The following PCDHGB7 variants were observed in gnomAD, a reference collection of about 807,000 sequenced individuals.
The protein encoded by PCDHGB7 is protocadherin gamma-B7.
A neutral mutation model predicts 61.4 loss-of-function variants in PCDHGB7; 37 were observed. The ratio of observed to expected loss-of-function variants is 0.60; its 90% confidence interval spans 0.46 to 0.79. The LOEUF is 0.79. Ranked by LOEUF, PCDHGB7 falls within the 30% of genes least tolerant of loss-of-function variation. The pLI is 0.00. For missense variants in PCDHGB7, 1,166 were observed against 1,202.5 expected, an observed-to-expected ratio of 0.97 and a Z score of 0.45; for synonymous variants, 464 against 503.5, an observed-to-expected ratio of 0.92 and a Z score of 1.05.
At chr5:141,495,149 G>A (rs1448841303) in intron 2 of PCDHGB7, among the ~76,000 whole-genome samples, 1 of 152,170 alleles carries the variant, frequency 6.6e-6, no homozygotes, top group Non-Finnish European at 1.5e-5. Context: ...CCAAAGGATG[G>A]TCTTAAGCTG....
intron 1 of PCDHGB7, among the ~76,000 whole-genome samples, chr5:141,425,485 A>G (rs2096878362): frequency 6.6e-6 from 1 of 152,274 alleles, no homozygotes; most frequent in Non-Finnish European, 1.5e-5. Context: ...ATGGCAACCT[A>G]CTAGGCTATA....
intron 1 of PCDHGB7, among the ~76,000 whole-genome samples, chr5:141,475,442 T>A (rs1007534176): frequency 1.3e-5 from 2 of 152,238 alleles, no homozygotes; most frequent in African/African-American, 4.8e-5. Context: ...TAGCTCCAGA[T>A]AATGAGGAAG....
At chr5:141,437,668 G>A (rs72790049) in intron 1 of PCDHGB7, among the ~76,000 whole-genome samples, 16,651 of 151,822 alleles carry the variant, frequency 0.11, 1,007 homozygotes, top group African/African-American at 0.17. Context: ...TCGAAGAGAT[G>A]TTGATCAAAC....
At chr5:141,500,446 T>C (rs2099800320) in intron 2 of PCDHGB7, among the ~76,000 whole-genome samples, 1 of 152,002 alleles carries the variant, frequency 6.6e-6, no homozygotes, top group South Asian at 2.1e-4. Context: ...CCTGACCTCG[T>C]GATCCGCCCG....
rs769461165 is a variant in PCDHGB7, at chr5:141,491,293, C to G, written c.2416-3514C>G. 2 of 1,614,048 alleles carry G rather than the reference C, an allele frequency of 1.2e-6. No individual in the cohort carries two copies. Among genetic ancestry groups the G allele is most frequent in the Admixed American group, 3.3e-5 (2 of 60,008 alleles). ...ATCCAGTGACTTCCTCATACACCCT[C>G]CTGAGCGTTCAGACCTTACCCTTTA... On this transcript the variant is annotated intron_variant, in intron 1 of 3. Coordinates refer to ENST00000398594, the MANE Select transcript of PCDHGB7 (RefSeq NM_018927.4). This position sits in a 1 kb window ranked among gnomAD's most constrained non-coding sequence, Gnocchi z 6.9.
chr5:141,427,628 G>A (rs1308356581), intron 1 of PCDHGB7: 2 of 700,966 alleles, frequency 2.9e-6, no homozygotes, highest in Admixed American at 2.0e-5. Flanking sequence ...ACAATGCTCC[G>A]GTTTTCCACC....
chr5:141,448,705 C>T (rs2098601893), intron 1 of PCDHGB7, among the ~76,000 whole-genome samples: 1 of 152,100 alleles, frequency 6.6e-6, no homozygotes, highest in Non-Finnish European at 1.5e-5. Context: ...CTTTGGGAGG[C>T]CGAGGCGGGA....
At chr5:141,434,497 G>A (rs986672351) in intron 1 of PCDHGB7, among the ~76,000 whole-genome samples, 2 of 152,214 alleles carry the variant, frequency 1.3e-5, no homozygotes, top group African/African-American at 4.8e-5. Context: ...CCCGCCCAGG[G>A]CAGAAAACTG....
intron 1 of PCDHGB7, among the ~76,000 whole-genome samples, chr5:141,482,884 C>A (rs2099574053): frequency 6.6e-6 from 1 of 152,116 alleles, no homozygotes; most frequent in Non-Finnish European, 1.5e-5. Flanking sequence ...CCAGCCTGGC[C>A]AACATGGTGA....
chr5:141,438,392 ATTAAC>A (rs1296512476), intron 1 of PCDHGB7, among the ~76,000 whole-genome samples: 3 of 151,714 alleles, frequency 2.0e-5, no homozygotes, highest in African/African-American at 7.3e-5. Context: ...TTAGTTCATC[ATTAAC>A]TCTCTGAAGT....
Position 141,489,161 on chromosome 5 carries a change from A to T in PCDHGB7, c.2416-5646A>T. ...GCTGGAAGGAGACATAAGAGACTTC[A>T]GCTGCTGCATTCCAAGCCCTGGGTC... On this transcript the variant is annotated intron_variant, in intron 1 of 3. Coordinates refer to ENST00000398594, the MANE Select transcript of PCDHGB7 (RefSeq NM_018927.4). The surrounding 1 kb of genome is among the most constrained non-coding windows in gnomAD (Gnocchi z 4.5). 1.9e-6 allele frequency: 2 copies of T among 1,040,278 alleles called. No individual in the cohort carries two copies. The highest frequency in any genetic ancestry group is 2.8e-6 in the Non-Finnish European group (2 of 709,676). 64.4% of individuals were successfully genotyped at this position (1,040,278 alleles called of 1,614,324 possible).
chr5:141,446,275 A>G (rs1229842331), intron 1 of PCDHGB7, among the ~76,000 whole-genome samples: 1 of 152,156 alleles, frequency 6.6e-6, no homozygotes, highest in African/African-American at 2.4e-5. Flanking sequence ...GAATAAATAC[A>G]ATGGATAAAT....
chr5:141,428,293 C>T, intron 1 of PCDHGB7: 1 of 716,436 alleles, frequency 1.4e-6, no homozygotes, highest in South Asian at 1.6e-5. Context: ...AGCAAAGCTG[C>T]AGATTTACCT....
rs754547223 is a variant in PCDHGB7 at position 141,511,148 on chromosome 5, AGTC to A, written c.2767_2769del (p.Ser923del). The A allele has an allele frequency of 7.4e-6, 12 of 1,614,202 alleles. No individual in the cohort carries two copies. The highest frequency in any genetic ancestry group is 1.0e-5 in the Non-Finnish European group (12 of 1,180,016). ...GCAGGTGGCAATGGCAACAAGAAGA[AGTC>A]GGGCAAGAAGGAGAAGAAGTAACAT... On this transcript the variant is annotated inframe_deletion, in exon 4 of 4. Coordinates refer to ENST00000398594, the MANE Select transcript of PCDHGB7 (RefSeq NM_018927.4).
chr5:141,423,121 G>T lies in PCDHGB7; in HGVS notation c.2415+2847G>T, dbSNP rs368205535. The T allele has an allele frequency of 5.6e-6, 9 of 1,613,680 alleles. No homozygotes were observed. The African/African-American group carries it at 1.1e-4, about 19-fold the overall frequency. ...CACGGGCGAGGTGCGTACAGCGCGG[G>T]CACTGCTGGACAGAGACGCGCTCAA... On this transcript the variant is annotated intron_variant, in intron 1 of 3. Coordinates refer to ENST00000398594, the MANE Select transcript of PCDHGB7 (RefSeq NM_018927.4).
intron 1 of PCDHGB7, chr5:141,475,885 A>G (rs1593590954): frequency 1.8e-6 from 1 of 556,524 alleles, no homozygotes. Flanking sequence ...ATTGGCTGGG[A>G]CTCTGTGTGC....
Position 141,476,023 on chromosome 5 carries a change from G to A in PCDHGB7, c.2416-18784G>A. 1 of 1,415,690 alleles carries A rather than the reference G, an allele frequency of 7.1e-7. No homozygotes were observed. The highest frequency in any genetic ancestry group is 2.3e-5 in the Admixed American group (1 of 43,980). 87.7% of individuals were successfully genotyped at this position (1,415,690 alleles called of 1,614,324 possible). A position where few individuals can be genotyped will look rare whatever the true frequency, so the allele number is the denominator to read the frequency against. ...CATCCAGAAAGCCATGTCGGACTCG[G>A]CGCCCAGCGCCCAAGCGCTAACCCG... On this transcript the variant is annotated intron_variant, in intron 1 of 3. Coordinates refer to ENST00000398594, the MANE Select transcript of PCDHGB7 (RefSeq NM_018927.4). This position sits in a 1 kb window ranked among gnomAD's most constrained non-coding sequence, Gnocchi z 7.6.
chr5:141,454,076 T>A (rs190918056), intron 1 of PCDHGB7, among the ~76,000 whole-genome samples: 2 of 152,352 alleles, frequency 1.3e-5, no homozygotes, highest in East Asian at 3.8e-4. Flanking sequence ...TGATAATGTT[T>A]TCAGTGAAAT....
At chr5:141,428,122 G>T in intron 1 of PCDHGB7, 1 of 1,606,172 alleles carries the variant, frequency 6.2e-7, no homozygotes, top group Non-Finnish European at 8.5e-7. Flanking sequence ...ATCGAGCCCG[G>T]GCTTTTCAGC....
Sources: allele counts gnomAD v4.1 joint callset (sites outside exome capture counted in the v4.1 genomes callset), GRCh38; gene constraint gnomAD v4.1.1; non-coding constraint Gnocchi (gnomAD v3.1); transcripts MANE v1.5; gene names NCBI Gene and HGNC (gene_info 2026-07-23, HGNC 2026-07-21).